Variants in PTPRD observed in about 807,000 individuals in gnomAD.
PTPRD encodes the protein protein tyrosine phosphatase receptor type D.
PTPRD carries 34 observed loss-of-function variants against 214.5 expected under a neutral mutation model. The observed-to-expected ratio is 0.16, with a 90% CI of 0.12 to 0.21. The LOEUF (loss-of-function observed/expected upper bound fraction) is 0.21, where lower values mean the gene tolerates loss of function less well. Ranked by LOEUF, PTPRD falls within the 10% of genes least tolerant of loss-of-function variation. PTPRD has a pLI of 1.00. For synonymous variants in PTPRD, 1,128 were observed against 845.7 expected, an observed-to-expected ratio of 1.33 and a Z score of -5.79; for missense variants, 2,545 against 2,398.7, an observed-to-expected ratio of 1.06 and a Z score of -1.27.
chr9:8,878,829 A>G lies in PTPRD; in HGVS notation c.-104+139868T>C, dbSNP rs2098417804. On this transcript the variant is annotated intron_variant, in intron 11 of 45. Transcript: ENST00000381196. ...GATTACAGCATAAGTTATCACACCC[A>G]GCCTCTGCTGATTTAATTATCTGTG... is the stretch of plus-strand genomic sequence containing the variant. Among the ~76,000 whole-genome samples the G allele has an allele frequency of 2.0e-5, 3 of 152,346 alleles. No homozygotes were observed. In the South Asian group the frequency reaches 6.2e-4, roughly 32 times the overall value.
At chr9:10,390,756 C>T (rs2098044858) in intron 2 of PTPRD, among the ~76,000 whole-genome samples, 1 of 151,640 alleles carries the variant, frequency 6.6e-6, no homozygotes, top group African/African-American at 2.4e-5. Flanking sequence ...TAGACTAATT[C>T]CCCAGGCTTG....
chr9:10,436,251 T>G (rs532406172), intron 2 of PTPRD, among the ~76,000 whole-genome samples: 6 of 152,006 alleles, frequency 3.9e-5, no homozygotes, highest in African/African-American at 1.4e-4. Context: ...TATATGTGTA[T>G]GAATATATAT....
intron 8 of PTPRD, among the ~76,000 whole-genome samples, chr9:9,527,006 ATTT>A (rs2074279447): frequency 6.6e-6 from 1 of 152,102 alleles, no homozygotes; most frequent in Non-Finnish European, 1.5e-5. Context: ...TCTCCTTATT[ATTT>A]TTACCTTGCC....
At chr9:9,137,417 C>T (rs1592231079) in intron 10 of PTPRD, among the ~76,000 whole-genome samples, 2 of 152,152 alleles carry the variant, frequency 1.3e-5, no homozygotes, top group Admixed American at 1.3e-4. Context: ...CAATAACTTG[C>T]TTGGCAAACT....
At chr9:9,989,576 G>A (rs2095842521) in intron 4 of PTPRD, among the ~76,000 whole-genome samples, 1 of 152,022 alleles carries the variant, frequency 6.6e-6, no homozygotes, top group South Asian at 2.1e-4. Context: ...CACTTCCTCT[G>A]CTCACTAAAA....
intron 10 of PTPRD, among the ~76,000 whole-genome samples, chr9:9,150,276 A>C (rs2099875547): frequency 6.6e-6 from 1 of 152,018 alleles, no homozygotes; most frequent in Non-Finnish European, 1.5e-5. Flanking sequence ...ATCTTCCAAA[A>C]GTCTCAATAT....
chr9:8,817,422 C>G (rs2096942640), intron 11 of PTPRD, among the ~76,000 whole-genome samples: 1 of 152,142 alleles, frequency 6.6e-6, no homozygotes, highest in Admixed American at 6.5e-5. Context: ...CACACCCAGC[C>G]TGGACAACAT....
At chr9:10,487,352 G>GT (rs1199400733) in intron 2 of PTPRD, among the ~76,000 whole-genome samples, 1 of 152,068 alleles carries the variant, frequency 6.6e-6, no homozygotes, top group African/African-American at 2.4e-5. Flanking sequence ...TTTTCTGTTT[G>GT]TTTTCTGATC....
chr9:8,907,106 G>C (rs1293889570), intron 11 of PTPRD, among the ~76,000 whole-genome samples: 15 of 152,026 alleles, frequency 9.9e-5, no homozygotes, highest in African/African-American at 2.7e-4. Flanking sequence ...TACTACAATA[G>C]AGATAGATTC....
At chr9:8,917,135 C>CTT (rs35316380) in intron 11 of PTPRD, among the ~76,000 whole-genome samples, 2 of 114,320 alleles carry the variant, frequency 1.7e-5, no homozygotes, top group African/African-American at 3.2e-5. Flanking sequence ...TCTTCTTCTT[C>CTT]TTTTTTTTTT....
intron 5 of PTPRD, among the ~76,000 whole-genome samples, chr9:9,898,831 G>A (rs1376174773): frequency 3.3e-5 from 5 of 152,078 alleles, no homozygotes; most frequent in African/African-American, 1.2e-4. Flanking sequence ...AAAGACGTAT[G>A]TTAGTCTGTA....
At chr9:9,730,887 T>C (rs1189092555) in intron 7 of PTPRD, among the ~76,000 whole-genome samples, 1 of 152,040 alleles carries the variant, frequency 6.6e-6, no homozygotes, top group Non-Finnish European at 1.5e-5. Flanking sequence ...CGGTGAAAGC[T>C]TGAAAATTCA....
intron 10 of PTPRD, among the ~76,000 whole-genome samples, chr9:9,030,553 A>G (rs1408620422): frequency 2.0e-5 from 3 of 151,676 alleles, no homozygotes; most frequent in African/African-American, 7.3e-5. Context: ...AAAATATACC[A>G]TGCATAAAGG....
chr9:10,211,793 C>T (rs564954633), intron 3 of PTPRD, among the ~76,000 whole-genome samples: 10 of 151,960 alleles, frequency 6.6e-5, no homozygotes, highest in South Asian at 2.1e-4. Context: ...ATTGGGAAAT[C>T]GGAAGAGTAA....
chr9:9,128,187 A>G (rs1412691429), intron 10 of PTPRD, among the ~76,000 whole-genome samples: 1 of 152,216 alleles, frequency 6.6e-6, no homozygotes. Flanking sequence ...TGCTTTGGCT[A>G]TTTAATTTAA....
chr9:10,224,690 T>C (rs567514311), intron 3 of PTPRD, among the ~76,000 whole-genome samples: 1 of 152,116 alleles, frequency 6.6e-6, no homozygotes, highest in South Asian at 2.1e-4. Context: ...TGAAATGCGC[T>C]GGTCCACTGA....
intron 11 of PTPRD, among the ~76,000 whole-genome samples, chr9:8,959,071 A>T (rs1284613455): frequency 1.3e-5 from 2 of 152,042 alleles, no homozygotes; most frequent in South Asian, 2.1e-4. Context: ...CTAAGCCAAG[A>T]CATACTTGCT....
At chr9:10,576,786 G>A (rs2069515625) in intron 2 of PTPRD, among the ~76,000 whole-genome samples, 1 of 152,242 alleles carries the variant, frequency 6.6e-6, no homozygotes, top group South Asian at 2.1e-4. Context: ...AAACACAACA[G>A]TTGATTACAA....
At chr9:9,335,240 C>T (rs2043969778) in intron 9 of PTPRD, among the ~76,000 whole-genome samples, 1 of 151,950 alleles carries the variant, frequency 6.6e-6, no homozygotes, top group African/African-American at 2.4e-5. Flanking sequence ...ATTACATTAC[C>T]TGTAGAATTT....
Sources: gnomAD v4.1 joint callset for allele counts (sites outside exome capture counted in the v4.1 genomes callset) on GRCh38, gnomAD v4.1.1 for gene constraint, MANE v1.5 for transcripts, NCBI Gene and HGNC (gene_info 2026-07-23, HGNC 2026-07-21) for gene names.